The following TNRC6B variants were observed in gnomAD, a reference collection of about 807,000 sequenced individuals.
TNRC6B encodes the protein trinucleotide repeat containing adaptor 6B, also known as trinucleotide repeat-containing gene 6B protein.
TNRC6B carries 52 observed loss-of-function variants against 203.6 expected under a neutral mutation model. That is an observed-to-expected ratio of 0.26 (90% CI 0.20 to 0.32). TNRC6B has a LOEUF of 0.32. TNRC6B is among the 10% of genes least tolerant of loss of function. The pLI is 1.00. For synonymous variants in TNRC6B, 838 were observed against 845.7 expected, an observed-to-expected ratio of 0.99 and a Z score of 0.16; for missense variants, 1,923 against 2,286.2, an observed-to-expected ratio of 0.84 and a Z score of 3.24.
chr22:40,323,196 T>C lies in TNRC6B; in HGVS notation c.5457T>C (p.Pro1819=). Residue 1819 remains proline, a synonymous_variant, in exon 23 of 23, where the codon CCT becomes CCC. Coordinates refer to ENST00000454349, the MANE Select transcript of TNRC6B (RefSeq NM_001162501.2). The part of the protein sequence containing the change: ...EDPHRMGSPA[P]LLPGDLLGGG... ...CCCATAGGATGGGCAGCCCTGCTCC[T>C]TTACTACCTGGTGACCTTCTGGGAG... The C allele has an allele frequency of 1.2e-6, 2 of 1,613,524 alleles. No homozygotes were observed. The highest frequency in any genetic ancestry group is 1.7e-6 in the Non-Finnish European group (2 of 1,179,864).
chr22:40,229,708 T>G (rs1305009339), intron 1 of TNRC6B, among the ~76,000 whole-genome samples: 2 of 152,208 alleles, frequency 1.3e-5, no homozygotes, highest in African/African-American at 4.8e-5. Context: ...AGTGGAATTG[T>G]TCAGTAGGTA....
In TNRC6B at chr22:40,184,545, T is replaced by A. The variant is rs2069176431; in HGVS notation, c.5+6405T>A. Reference sequence around the variant, plus strand: ...TTTTTCCTGAGAACAGTTGAAGGGTTTTAAGTGGGAAAGTCACTTGTTCAG... The same window carrying A: ...TTTTTCCTGAGAACAGTTGAAGGGTATTAAGTGGGAAAGTCACTTGTTCAG... On this transcript the variant is annotated intron_variant, in intron 1 of 22. Transcript: ENST00000454349. Among the ~76,000 whole-genome samples the A allele has an allele frequency of 1.3e-5, 2 of 152,200 alleles. 1 individual carries two copies. The highest frequency in any genetic ancestry group is 4.1e-4 in the South Asian group (2 of 4,834).
intron 4 of TNRC6B, 62 bp from the exon 5 acceptor site, chr22:40,264,626 G>T (rs2070445037): frequency 6.6e-7 from 1 of 1,505,478 alleles, no homozygotes; most frequent in East Asian, 2.3e-5. Flanking sequence ...GAGCCCCTTT[G>T]AGGGATTAAT....
chr22:40,106,165 A>C (rs1054202087), intron 1 of TNRC6B, among the ~76,000 whole-genome samples: 1 of 141,978 alleles, frequency 7.0e-6, no homozygotes, highest in African/African-American at 2.6e-5. Context: ...ACTTGTTAGA[A>C]CTCTTTATTA....
intron 9 of TNRC6B, 134 bp from the exon 10 acceptor site, chr22:40,279,861 G>A (rs553324528): frequency 1.1e-4 from 77 of 695,616 alleles, no homozygotes; most frequent in African/African-American, 4.2e-4. Flanking sequence ...AGTTTGTCTC[G>A]TCTTATCCCC....
intron 1 of TNRC6B, among the ~76,000 whole-genome samples, chr22:40,241,030 A>T (rs898651090): frequency 1.6e-4 from 24 of 152,164 alleles, no homozygotes; most frequent in African/African-American, 5.5e-4. Context: ...ACATGTTAGA[A>T]CCACTTGGAG....
chr22:40,245,311 G>C (rs2070090987), intron 1 of TNRC6B, among the ~76,000 whole-genome samples: 1 of 151,802 alleles, frequency 6.6e-6, no homozygotes, highest in Non-Finnish European at 1.5e-5. Flanking sequence ...GGCTGGTCTC[G>C]AACTCCTGAC....
chr22:40,186,181 G>T (rs1001429675), intron 1 of TNRC6B, among the ~76,000 whole-genome samples: 10 of 152,060 alleles, frequency 6.6e-5, no homozygotes, highest in African/African-American at 2.4e-4. Context: ...AAGAGGACCT[G>T]GGAAAGGATA....
At chr22:40,063,710 T>C (rs904715330) in intron 1 of TNRC6B, among the ~76,000 whole-genome samples, 1 of 151,906 alleles carries the variant, frequency 6.6e-6, no homozygotes, top group African/African-American at 2.4e-5. Context: ...TTTTTTTTCG[T>C]TTTTGTTTTT....
At chr22:40,222,728 C>CTTTTTTT (rs61374373) in intron 1 of TNRC6B, among the ~76,000 whole-genome samples, 635 of 40,204 alleles carry the variant, frequency 0.016, 122 homozygotes, top group Admixed American at 0.03. Context: ...CTCTCTCTCT[C>CTTTTTTT]TTTTTTTTTT....
intron 1 of TNRC6B, among the ~76,000 whole-genome samples, chr22:40,210,023 A>G (rs2069539406): frequency 6.6e-6 from 1 of 151,138 alleles, no homozygotes; most frequent in Admixed American, 6.6e-5. Context: ...GTCTCAAAAA[A>G]AAAAAAAAAG....
chr22:40,057,654 A>C (rs1051827922), intron 1 of TNRC6B, among the ~76,000 whole-genome samples: 3 of 152,178 alleles, frequency 2.0e-5, no homozygotes, highest in African/African-American at 4.8e-5. Flanking sequence ...CTCGAGCCTC[A>C]AAAACTGGAA....
At chr22:40,146,190 A>G (rs1305166150) in intron 3 of TNRC6B, among the ~76,000 whole-genome samples, 1 of 152,208 alleles carries the variant, frequency 6.6e-6, no homozygotes, top group Non-Finnish European at 1.5e-5. Flanking sequence ...CTCTGCCTCA[A>G]GAAGTTTGCA....
chr22:40,095,262 T>C (rs1449506917), intron 1 of TNRC6B, among the ~76,000 whole-genome samples: 1 of 152,222 alleles, frequency 6.6e-6, no homozygotes, highest in Non-Finnish European at 1.5e-5. Flanking sequence ...ATTTATTTTT[T>C]CCTACACACC....
Position 40,323,074 on chromosome 22 carries a change from G to A in TNRC6B, c.5335G>A (p.Ala1779Thr), listed in dbSNP as rs370443480. 3.5e-5 allele frequency: 56 copies of A among 1,604,794 alleles called. No homozygotes were observed. In the African/African-American group the frequency reaches 5.9e-4, roughly 17 times the overall value. ...TGGGCTCGGGCAGTGGAGCAGCAGCGCTGGTGGCAGCAGCGGGGCCGATCT... is the reference window on the plus strand; with the variant it reads ...TGGGCTCGGGCAGTGGAGCAGCAGCACTGGTGGCAGCAGCGGGGCCGATCT... ...STGLGQWSSSAGGSSGADLAG... is the reference protein window; with the variant it reads ...STGLGQWSSSTGGSSGADLAG... Residue 1779 changes from alanine to threonine, a missense_variant, in exon 23 of 23, where the codon GCT (alanine) becomes ACT (threonine). Ala to Thr is a moderately conservative substitution (Grantham distance 58). This residue lies in a region of TNRC6B where 126 missense variants were observed against 137.5 expected (regional missense o/e 0.92). Coordinates refer to ENST00000454349, the MANE Select transcript of TNRC6B (RefSeq NM_001162501.2).
At chr22:40,105,615 G>A (rs116210189) in intron 1 of TNRC6B, among the ~76,000 whole-genome samples, 1,915 of 152,266 alleles carry the variant, frequency 0.013, 47 homozygotes, top group African/African-American at 0.043. Context: ...GTTGTTACAT[G>A]TGGCTGTCCC....
At chr22:40,117,507 A>G (rs1400057794) in intron 2 of TNRC6B, among the ~76,000 whole-genome samples, 1 of 152,202 alleles carries the variant, frequency 6.6e-6, no homozygotes, top group African/African-American at 2.4e-5. Context: ...CTTTGCTTAA[A>G]CAGCCCTCAT....
intron 1 of TNRC6B, among the ~76,000 whole-genome samples, chr22:40,085,753 G>A (rs1231536318): frequency 6.6e-6 from 1 of 152,124 alleles, no homozygotes; most frequent in African/African-American, 2.4e-5. Context: ...CTATTGAAGA[G>A]CAATACTAAG....
At chr22:40,245,700 T>A (rs532534739) in intron 1 of TNRC6B, among the ~76,000 whole-genome samples, 2 of 138,078 alleles carry the variant, frequency 1.4e-5, no homozygotes, top group East Asian at 4.9e-4. Flanking sequence ...CTTTGCTGAG[T>A]GGAAATTAAT....
Sources: gnomAD v4.1 joint callset for allele counts (sites outside exome capture counted in the v4.1 genomes callset) on GRCh38, gnomAD v4.1.1 for gene constraint, gnomAD v4.1.1 regional missense constraint, MANE v1.5 for transcripts, NCBI Gene and HGNC (gene_info 2026-07-23, HGNC 2026-07-21) for gene names.